The following TMEM132B variants were observed in gnomAD, a reference collection of about 807,000 sequenced individuals.
TMEM132B encodes the protein transmembrane protein 132B.
TMEM132B carries 18 observed loss-of-function variants against 90.8 expected under a neutral mutation model. The ratio of observed to expected loss-of-function variants is 0.20; its 90% CI spans 0.14 to 0.29. The LOEUF is 0.29. Ranked by LOEUF, TMEM132B falls within the 10% of genes least tolerant of loss-of-function variation. The pLI, the probability that TMEM132B is intolerant of heterozygous loss-of-function variation, is 1.00. For synonymous variants in TMEM132B, 504 were observed against 523.3 expected (o/e 0.96, Z 0.50); for missense variants, 1,096 against 1,326.8 (o/e 0.83, Z 2.70).
At chr12:125,513,536 T>C (rs1883035114) in intron 3 of TMEM132B, among the ~76,000 whole-genome samples, 1 of 152,212 alleles carries the variant, frequency 6.6e-6, no homozygotes, top group Non-Finnish European at 1.5e-5. Context: ...GCTGGCAGCC[T>C]TCAAACAAAG....
chr12:125,633,252 C>T (rs570958059), intron 5 of TMEM132B, among the ~76,000 whole-genome samples: 3 of 152,134 alleles, frequency 2.0e-5, no homozygotes, highest in African/African-American at 4.8e-5. Context: ...TTTTTCAGCT[C>T]AAGAATTTCT....
chr12:125,212,115 C>T (rs750598155), intron 1 of TMEM132B, among the ~76,000 whole-genome samples: 1 of 152,132 alleles, frequency 6.6e-6, no homozygotes, highest in Non-Finnish European at 1.5e-5. Context: ...TTGCCGGCAG[C>T]TTGGGTCCTG....
chr12:125,338,627 C>A (rs904492187), intron 1 of TMEM132B, among the ~76,000 whole-genome samples: 6 of 152,164 alleles, frequency 3.9e-5, no homozygotes, highest in Non-Finnish European at 7.3e-5. Flanking sequence ...GCCAGGAGCC[C>A]CTCTGGGCTC....
At chr12:125,446,114 T>A (rs961217719) in intron 3 of TMEM132B, among the ~76,000 whole-genome samples, 1 of 152,264 alleles carries the variant, frequency 6.6e-6, no homozygotes, top group Non-Finnish European at 1.5e-5. Flanking sequence ...GAGTTCTCTT[T>A]TTATCTTGAT....
chr12:125,295,519 A>T lies in TMEM132B; in HGVS notation c.68-53933A>T, dbSNP rs866673703. Among the ~76,000 whole-genome samples the T allele has an allele frequency of 4.7e-3, 680 of 143,694 alleles. 3 individuals are homozygous for T. Among genetic ancestry groups the T allele is most frequent in the Non-Finnish European group, 7.2e-3 (471 of 65,570 alleles). The allele number at this position is 143,694 out of a possible 152,430, so 94.3% of individuals were successfully genotyped here. The stretch of plus-strand genomic sequence containing the variant: ...TGAAACCTGTGTGTGTGTGTGTGAG[A>T]GAGAGAGAGAGAGAGAGAGAGAGAC... On this transcript the variant is annotated intron_variant, in intron 1 of 8. Transcript: ENST00000682704.
At chr12:125,633,220 G>A (rs919641327) in intron 5 of TMEM132B, among the ~76,000 whole-genome samples, 7 of 152,138 alleles carry the variant, frequency 4.6e-5, no homozygotes, top group Admixed American at 2.0e-4. Flanking sequence ...TGACTGGTGC[G>A]TTCTTCAGTA....
intron 4 of TMEM132B, among the ~76,000 whole-genome samples, chr12:125,535,786 A>G: frequency 6.6e-6 from 1 of 152,178 alleles, no homozygotes; most frequent in East Asian, 1.9e-4. Flanking sequence ...GAAAATGTCC[A>G]CTTTGCACAG....
intron 8 of TMEM132B, 123 bp from the exon 9 acceptor site, chr12:125,653,442 A>C (rs1886977862): frequency 8.7e-7 from 1 of 1,150,856 alleles, no homozygotes; most frequent in Non-Finnish European, 1.2e-6. Context: ...GAACTGTTCA[A>C]GATTATAAAA....
intron 2 of TMEM132B, among the ~76,000 whole-genome samples, chr12:125,376,679 G>A (rs928108453): frequency 1.3e-5 from 2 of 152,204 alleles, no homozygotes; most frequent in African/African-American, 2.4e-5. Context: ...CCAGGTTGAG[G>A]GAGGGGTACA....
chr12:125,219,669 T>C (rs1385319761), intron 1 of TMEM132B, among the ~76,000 whole-genome samples: 4 of 152,182 alleles, frequency 2.6e-5, no homozygotes, highest in Non-Finnish European at 5.9e-5. Flanking sequence ...TTTCGAACAA[T>C]TCCAAGAGCC....
intron 1 of TMEM132B, among the ~76,000 whole-genome samples, chr12:125,226,821 C>T (rs961134215): frequency 2.0e-5 from 3 of 152,168 alleles, no homozygotes; most frequent in East Asian, 1.9e-4. Flanking sequence ...ATCAATCTCA[C>T]CAGGTCCCAG....
intron 3 of TMEM132B, among the ~76,000 whole-genome samples, chr12:125,444,801 C>G (rs1010784592): frequency 6.6e-6 from 1 of 152,208 alleles, no homozygotes; most frequent in African/African-American, 2.4e-5. Context: ...CGAGATTATC[C>G]TAGATAATCT....
rs1880554751 is a variant in TMEM132B at position 125,432,489 on chromosome 12, A to ATGTGTATATATATGTG, written c.1106+16818_1106+16833dup. Among the ~76,000 whole-genome samples, 2 of 64,166 alleles carry ATGTGTATATATATGTG rather than the reference A, an allele frequency of 3.1e-5. 1 individual carries two copies. Among genetic ancestry groups the ATGTGTATATATATGTG allele is most frequent in the Non-Finnish European group, 5.1e-5 (2 of 39,364 alleles). 42.1% of individuals were successfully genotyped at this position (64,166 alleles called of 152,430 possible). A position where few individuals can be genotyped will look rare whatever the true frequency, so the allele number is the denominator to read the frequency against. ...TATATATGTATGTGTATATATATGT[A>ATGTGTATATATATGTG]TGTGTATATATATGTGTGTGTGTAT... On this transcript the variant is annotated intron_variant, in intron 3 of 8. Coordinates refer to ENST00000682704, the MANE Select transcript of TMEM132B (RefSeq NM_001366854.1).
chr12:125,627,921 T>TTTC (rs2136986924), intron 5 of TMEM132B, among the ~76,000 whole-genome samples: 2 of 152,344 alleles, frequency 1.3e-5, no homozygotes, highest in South Asian at 4.1e-4. Flanking sequence ...AATGTTTGTC[T>TTTC]TTCTGTGCCT....
intron 1 of TMEM132B, among the ~76,000 whole-genome samples, chr12:125,318,995 C>T (rs772352253): frequency 1.3e-5 from 2 of 152,220 alleles, no homozygotes; most frequent in Non-Finnish European, 1.5e-5. Context: ...TGGGGTCCCC[C>T]GGTTGTCCCC....
chr12:125,518,508 C>G (rs1215363419), intron 3 of TMEM132B, among the ~76,000 whole-genome samples: 1 of 152,148 alleles, frequency 6.6e-6, no homozygotes. Flanking sequence ...TTCCTTGTAT[C>G]TGGGTGGAGC....
intron 1 of TMEM132B, among the ~76,000 whole-genome samples, chr12:125,267,536 T>A (rs1020968607): frequency 1.3e-5 from 2 of 152,182 alleles, no homozygotes; most frequent in Non-Finnish European, 2.9e-5. Context: ...TCACATCCTC[T>A]CTCTTTTTGG....
At chr12:125,632,179 C>T (rs1036575793) in intron 5 of TMEM132B, among the ~76,000 whole-genome samples, 18 of 151,764 alleles carry the variant, frequency 1.2e-4, no homozygotes, top group Admixed American at 9.2e-4. Flanking sequence ...GATTACCGTG[C>T]GGCTTGTGAA....
At chr12:125,499,003 G>A (rs144652419) in intron 3 of TMEM132B, among the ~76,000 whole-genome samples, 115 of 152,328 alleles carry the variant, frequency 7.5e-4, no homozygotes, top group African/African-American at 2.7e-3. Flanking sequence ...TTTTGAGTAA[G>A]TCCCACAACA....
Sources: gnomAD v4.1 joint callset for allele counts (sites outside exome capture counted in the v4.1 genomes callset) on GRCh38, gnomAD v4.1.1 for gene constraint, MANE v1.5 for transcripts, NCBI Gene and HGNC (gene_info 2026-07-23, HGNC 2026-07-21) for gene names.